The following FTCDNL1 variants were observed in gnomAD, a reference collection of about 807,000 sequenced individuals.
The protein encoded by FTCDNL1 is formiminotransferase N-terminal subdomain-containing protein.
A neutral mutation model predicts 5.9 loss-of-function variants in FTCDNL1; 11 were observed. The ratio of observed to expected loss-of-function variants is 1.87; its 90% confidence interval spans 1.18 to 3.10. FTCDNL1 has a LOEUF of 3.10. Among genes scored for constraint, FTCDNL1 ranks in the 30% most tolerant of loss-of-function variants. FTCDNL1 has a pLI of 0.00. For synonymous variants in FTCDNL1, 58 were observed against 24.8 expected, an observed-to-expected ratio of 2.34 and a Z score of -3.99; for missense variants, 115 against 65.5, an observed-to-expected ratio of 1.76 and a Z score of -2.61.
intron 3 of FTCDNL1, among the ~76,000 whole-genome samples, chr2:199,802,285 AATG>A (rs1286198393): frequency 2.0e-5 from 3 of 152,208 alleles, no homozygotes; most frequent in African/African-American, 7.2e-5. Flanking sequence ...TCACTAGGAT[AATG>A]ATAAATCTGC....
At chr2:199,839,279 T>C (rs993776270) in intron 3 of FTCDNL1, among the ~76,000 whole-genome samples, 1 of 152,056 alleles carries the variant, frequency 6.6e-6, no homozygotes, top group Non-Finnish European at 1.5e-5. Context: ...AAAACCAGGA[T>C]GTTCTCTTGA....
chr2:199,800,595 C>G (rs553891027), intron 3 of FTCDNL1, among the ~76,000 whole-genome samples: 123 of 152,264 alleles, frequency 8.1e-4, no homozygotes, highest in African/African-American at 2.9e-3. Context: ...CTGTATAGTG[C>G]TATACATGTT....
the FTCDNL1 span, among the ~76,000 whole-genome samples, chr2:199,666,910 C>CAA: frequency 2.2e-4 from 22 of 99,406 alleles, no homozygotes; most frequent in African/African-American, 7.1e-4. Context: ...GAGTCCATCT[C>CAA]AAAAAAAAAA....
chr2:199,800,572 A>G (rs1161588656), intron 3 of FTCDNL1, among the ~76,000 whole-genome samples: 1 of 152,200 alleles, frequency 6.6e-6, no homozygotes, highest in East Asian at 1.9e-4. Flanking sequence ...GAAAAATAAC[A>G]TATACTTATT....
At chr2:199,765,962 A>C (rs1427663193) in intron 3 of FTCDNL1, among the ~76,000 whole-genome samples, 2 of 152,002 alleles carry the variant, frequency 1.3e-5, no homozygotes, top group Non-Finnish European at 2.9e-5. Context: ...TGTTCTAACT[A>C]CAGGTCCACA....
At chr2:199,759,783 A>G (rs571506948), downstream of FTCDNL1, among the ~76,000 whole-genome samples, 1 of 152,166 alleles carries the variant, frequency 6.6e-6, no homozygotes, top group African/African-American at 2.4e-5. Flanking sequence ...GATAAAACCA[A>G]TTGTTTCTCA....
At chr2:199,667,927 A>G in the FTCDNL1 span, among the ~76,000 whole-genome samples, 5 of 152,366 alleles carry the variant, frequency 3.3e-5, no homozygotes, top group South Asian at 1.0e-3. Flanking sequence ...GCATCACAAG[A>G]GAAAGACAAT....
chr2:199,759,141 G>GTATATATA (rs369553395), downstream of FTCDNL1, among the ~76,000 whole-genome samples: 2 of 150,264 alleles, frequency 1.3e-5, no homozygotes, highest in East Asian at 3.9e-4. Context: ...ATTTGTGTGT[G>GTATATATA]TATATATATA....
At chr2:199,753,877 G>A in the FTCDNL1 span, among the ~76,000 whole-genome samples, 1 of 152,170 alleles carries the variant, frequency 6.6e-6, no homozygotes, top group Non-Finnish European at 1.5e-5. Flanking sequence ...CAGGGAGAAG[G>A]GAAAAGGGAA....
At chr2:199,667,372 C>T in the FTCDNL1 span, among the ~76,000 whole-genome samples, 1 of 152,070 alleles carries the variant, frequency 6.6e-6, no homozygotes, top group Non-Finnish European at 1.5e-5. Flanking sequence ...CATGGTAGCT[C>T]ATCCCTGTAA....
chr2:199,799,165 T>C (rs1700319335), intron 3 of FTCDNL1, among the ~76,000 whole-genome samples: 1 of 152,170 alleles, frequency 6.6e-6, no homozygotes, highest in South Asian at 2.1e-4. Context: ...AAGGATGCCA[T>C]TCATCATATT....
the FTCDNL1 span, among the ~76,000 whole-genome samples, chr2:199,705,655 G>C: frequency 9.2e-5 from 14 of 152,070 alleles, no homozygotes. Context: ...TTACTGCCTT[G>C]TTTCCTACCT....
At chr2:199,831,763 G>A (rs908134665) in intron 3 of FTCDNL1, among the ~76,000 whole-genome samples, 5 of 152,224 alleles carry the variant, frequency 3.3e-5, no homozygotes, top group South Asian at 2.1e-4. Flanking sequence ...TGTAGTACTC[G>A]AAATTTTGAA....
the FTCDNL1 span, among the ~76,000 whole-genome samples, chr2:199,701,378 A>C: frequency 6.9e-6 from 1 of 144,540 alleles, no homozygotes; most frequent in Non-Finnish European, 1.5e-5. Context: ...AAGGTTGCAG[A>C]GTAAATGGAA....
intron 3 of FTCDNL1, among the ~76,000 whole-genome samples, chr2:199,821,578 C>T (rs1257106000): frequency 2.0e-5 from 3 of 152,064 alleles, no homozygotes; most frequent in African/African-American, 7.2e-5. Context: ...GATTCTCCTG[C>T]CTCAGCCTCC....
At chr2:199,676,175 T>C in the FTCDNL1 span, among the ~76,000 whole-genome samples, 4 of 152,298 alleles carry the variant, frequency 2.6e-5, no homozygotes, top group East Asian at 7.7e-4. Context: ...GGTTTAAAAA[T>C]CATGGGTTCT....
At chr2:199,833,546 G>A (rs892727356) in intron 3 of FTCDNL1, among the ~76,000 whole-genome samples, 1 of 152,202 alleles carries the variant, frequency 6.6e-6, no homozygotes, top group Non-Finnish European at 1.5e-5. Flanking sequence ...GGATGGCCAG[G>A]AATCCTTCTG....
intron 3 of FTCDNL1, among the ~76,000 whole-genome samples, chr2:199,835,368 T>TG (rs1702658254): frequency 6.6e-6 from 1 of 152,202 alleles, no homozygotes; most frequent in South Asian, 2.1e-4. Flanking sequence ...GGAGAATGAA[T>TG]TATTCAACCT....
In FTCDNL1 at chr2:199,765,549, TATATATA is replaced by T. The variant is rs1255915708; in HGVS notation, c.212-4721_212-4715del. ...TGTCTTCATTATATATATATATATATATATATATTTTTTTTTTTTTTTTTGGAGATGG... is the reference window on the plus strand; with the variant it reads ...TGTCTTCATTATATATATATATATATTTTTTTTTTTTTTTTTTGGAGATGG... On this transcript the variant is annotated intron_variant, in intron 3 of 3. Coordinates refer to the FTCDNL1 transcript ENST00000416668. Among the ~76,000 whole-genome samples, 269 of 96,266 alleles carry T rather than the reference TATATATA, an allele frequency of 2.8e-3. 3 individuals are homozygous for T. Among genetic ancestry groups the T allele is most frequent in the African/African-American group, 9.4e-3 (260 of 27,762 alleles). The allele number at this position is 96,266 out of a possible 152,430, so 63.2% of individuals were successfully genotyped here.
Sources: gnomAD v4.1 joint callset for allele counts (sites outside exome capture counted in the v4.1 genomes callset) on GRCh38, gnomAD v4.1.1 for gene constraint, MANE v1.5 for transcripts, NCBI Gene and HGNC (gene_info 2026-07-23, HGNC 2026-07-21) for gene names.